The following TSNARE1 variants were observed in gnomAD, a reference collection of about 807,000 sequenced individuals.
The protein encoded by TSNARE1 is t-SNARE domain containing 1.
Under a neutral mutation model 62.0 loss-of-function variants are expected in TSNARE1, and 49 were observed. That is an observed-to-expected ratio of 0.79 (90% CI 0.63 to 1.00). TSNARE1 has a LOEUF of 1.00. TSNARE1 is among the 50% of genes least tolerant of loss of function. The pLI is 0.00. For synonymous variants in TSNARE1, 328 were observed against 294.4 expected, an observed-to-expected ratio of 1.11 and a Z score of -1.17; for missense variants, 755 against 700.1, an observed-to-expected ratio of 1.08 and a Z score of -0.88.
chr8:142,277,416 C>T (rs946163794), intron 11 of TSNARE1: 20 of 985,334 alleles, frequency 2.0e-5, no homozygotes, highest in Admixed American at 6.1e-5. Context: ...GGTCAACTCG[C>T]TGCCCCCAGC....
chr8:142,307,422 G>A (rs772878775), intron 9 of TSNARE1, among the ~76,000 whole-genome samples: 3 of 152,198 alleles, frequency 2.0e-5, no homozygotes, highest in Non-Finnish European at 4.4e-5. Context: ...GGGAGTGGCC[G>A]AGGACTTCCA....
intron 1 of TSNARE1, among the ~76,000 whole-genome samples, chr8:142,355,733 C>T (rs1359436388): frequency 2.6e-5 from 4 of 152,220 alleles, no homozygotes; most frequent in South Asian, 2.1e-4. Flanking sequence ...GGGCTCCACC[C>T]GCCCACACAA....
At chr8:142,269,222 A>G (rs1372369673) in intron 12 of TSNARE1, among the ~76,000 whole-genome samples, 1 of 152,194 alleles carries the variant, frequency 6.6e-6, no homozygotes. Flanking sequence ...GATCAGAATC[A>G]GGGCCAAGTC....
rs1205269000 is a variant in TSNARE1 at position 142,217,909 on chromosome 8, G to GTTCAGTATGTGAGCAGGATCAGGGCTCA, written c.*12-5597_*12-5596insTGAGCCCTGATCCTGCTCACATACTGAA. Among the ~76,000 whole-genome samples the GTTCAGTATGTGAGCAGGATCAGGGCTCA allele has an allele frequency of 7.2e-5, 10 of 138,818 alleles. 1 individual carries two copies. Among genetic ancestry groups the GTTCAGTATGTGAGCAGGATCAGGGCTCA allele is most frequent in the Non-Finnish European group, 1.1e-4 (7 of 64,672 alleles). The allele number at this position is 138,818 out of a possible 152,430, so 91.1% of individuals were successfully genotyped here. On this transcript the variant is annotated intron_variant, in intron 13 of 13. Coordinates refer to ENST00000524325, the MANE Select transcript of TSNARE1 (RefSeq NM_145003.5). ...GGCTCAGTGTGTGACCAGGATCAGG[G>GTTCAGTATGTGAGCAGGATCAGGGCTCA]CTCAGAGTGTGAACAGGATCAGGGC...
chr8:142,260,706 T>C (rs1455922365), intron 12 of TSNARE1, among the ~76,000 whole-genome samples: 2 of 151,786 alleles, frequency 1.3e-5, no homozygotes, highest in African/African-American at 2.4e-5. Context: ...CGCCCCAGCC[T>C]CACCAGTTCC....
rs574209120 is a variant in TSNARE1, at chr8:142,216,995, G to A, written c.*12-4682C>T. On this transcript the variant is annotated intron_variant, in intron 13 of 13. Transcript: ENST00000524325. ...GCGGTGGCTCACACCTGTAATCCCA[G>A]CACTTTGGGAGGCCGAGGCAGGCAG... Among the ~76,000 whole-genome samples the A allele has an allele frequency of 5.3e-5, 8 of 152,248 alleles. No homozygotes were observed. The South Asian group carries it at 1.7e-3, about 32-fold the overall frequency.
chr8:142,276,685 C>A, intron 11 of TSNARE1: 6 of 985,374 alleles, frequency 6.1e-6, no homozygotes, highest in Non-Finnish European at 7.2e-6. Flanking sequence ...TCAGCCTGTG[C>A]CCAATCCTGC....
At chr8:142,308,857 G>C (rs942329018) in intron 9 of TSNARE1, among the ~76,000 whole-genome samples, 2 of 152,250 alleles carry the variant, frequency 1.3e-5, no homozygotes, top group Admixed American at 1.3e-4. Context: ...CACTGGGTGA[G>C]AGCTGACATC....
At position 142,332,521 on chromosome 8, in the gene TSNARE1, T is replaced by C. The variant is rs193230398; in HGVS notation, c.746-690A>G. Among the ~76,000 whole-genome samples, 394 of 152,298 alleles carry C rather than the reference T, an allele frequency of 2.6e-3. 9 individuals are homozygous for C. Among genetic ancestry groups the C allele is most frequent in the Non-Finnish European group, 7.4e-4 (50 of 68,026 alleles). ...ATATTCTAACAGACACTGAGCTATA[T>C]GCTTTAATATGGATAAGATGGTGAA... is the stretch of plus-strand genomic sequence containing the variant. On this transcript the variant is annotated intron_variant, in intron 4 of 13. Coordinates refer to ENST00000524325, the MANE Select transcript of TSNARE1 (RefSeq NM_145003.5).
intron 1 of TSNARE1, among the ~76,000 whole-genome samples, chr8:142,360,558 G>A (rs1042575106): frequency 3.3e-5 from 5 of 152,174 alleles, no homozygotes; most frequent in African/African-American, 1.2e-4. Context: ...TTCCTACCGA[G>A]CTGCTTCCGT....
intron 13 of TSNARE1, among the ~76,000 whole-genome samples, chr8:142,217,259 AAATAAAATAAAAT>A (rs1293785886): frequency 6.7e-6 from 1 of 149,964 alleles, no homozygotes; most frequent in Non-Finnish European, 1.5e-5. Context: ...TAAAATAATA[AAATAAAATAAAAT>A]AATAAAATAA....
At chr8:142,373,955 T>C (rs934412533) in intron 1 of TSNARE1, among the ~76,000 whole-genome samples, 9 of 152,066 alleles carry the variant, frequency 5.9e-5, no homozygotes, top group African/African-American at 1.9e-4. Flanking sequence ...ATACACTGTG[T>C]GTGTGGAGCA....
chr8:142,384,878 C>G (rs1317824305), intron 1 of TSNARE1, among the ~76,000 whole-genome samples: 1 of 152,144 alleles, frequency 6.6e-6, no homozygotes, highest in Non-Finnish European at 1.5e-5. Context: ...AGTACACTAT[C>G]AACAGACTGC....
At chr8:142,274,078 T>A in intron 12 of TSNARE1, 1 of 985,402 alleles carries the variant, frequency 1.0e-6, no homozygotes, top group Non-Finnish European at 1.2e-6. Flanking sequence ...CACCCTCACC[T>A]TGCTGGACTT....
Position 142,345,840 on chromosome 8 carries a change from C to A in TSNARE1, c.141G>T (p.Ser47=). The part of the protein sequence containing the change: ...EYGIRHFPCP[S]PESKLQNRCV... Reference sequence around the variant, plus strand: ...AGCGGTTCTGCAGCTTGCTCTCTGGCGACGGGCAGGGGAAATGGCGGATTC... The same window carrying A: ...AGCGGTTCTGCAGCTTGCTCTCTGGAGACGGGCAGGGGAAATGGCGGATTC... The change falls in exon 3 of 14, where the codon TCG becomes TCT. Residue 47 remains serine (S), a synonymous_variant. Transcript: ENST00000524325. 6.2e-7 allele frequency: 1 copy of A among 1,613,980 alleles called. No individual in the cohort carries two copies.
chr8:142,351,492 T>C lies in TSNARE1; in HGVS notation c.88+3145A>G, dbSNP rs562921799. 1.1e-4 allele frequency among the ~76,000 whole-genome samples: 17 copies of C among 152,206 alleles called. No homozygotes were observed. In the East Asian group the frequency reaches 2.9e-3, roughly 26 times the overall value. ...GACATTAAAGAAAACCCCATAAATA[T>C]AAAGACGTGTGCTTGTTCACGGACT... is the stretch of plus-strand genomic sequence containing the variant. On this transcript the variant is annotated intron_variant, in intron 2 of 13. Coordinates refer to ENST00000524325, the MANE Select transcript of TSNARE1 (RefSeq NM_145003.5).
At chr8:142,342,215 A>G (rs539716814) in intron 4 of TSNARE1, among the ~76,000 whole-genome samples, 1 of 152,386 alleles carries the variant, frequency 6.6e-6, no homozygotes, top group East Asian at 1.9e-4. Context: ...AAGTTCCGGC[A>G]GCAAGGCCAA....
In TSNARE1 at chr8:142,223,271, TTCAGTCACTC is replaced by T. The variant is rs1816564125; in HGVS notation, c.*11+6192_*11+6201del. Among the ~76,000 whole-genome samples, 102 of 56,548 alleles carry T rather than the reference TTCAGTCACTC, an allele frequency of 1.8e-3. 5 individuals are homozygous for T. The highest frequency in any genetic ancestry group is 4.9e-3 in the African/African-American group (87 of 17,748). The allele number at this position is 56,548 out of a possible 152,430, so 37.1% of individuals were successfully genotyped here. ...ACTCACTCATTCACTCACTCACTCA[TTCAGTCACTC>T]ACTCATACTCACTCAACCACTCACT... On this transcript the variant is annotated intron_variant, in intron 13 of 13. Transcript: ENST00000524325.
intron 12 of TSNARE1, 67 bp downstream of exon 12, chr8:142,274,714 G>A (rs1820153025): frequency 7.0e-7 from 1 of 1,423,318 alleles, no homozygotes; most frequent in East Asian, 2.8e-5. Flanking sequence ...GACAGACGGA[G>A]GGAGGGTTGG....
Sources: gnomAD v4.1 joint callset for allele counts (sites outside exome capture counted in the v4.1 genomes callset) on GRCh38, gnomAD v4.1.1 for gene constraint, MANE v1.5 for transcripts, NCBI Gene and HGNC (gene_info 2026-07-23, HGNC 2026-07-21) for gene names.